CEMIP: variants seen among roughly 807,000 people sequenced by gnomAD.
CEMIP encodes the protein cell migration inducing hyaluronidase 1.
Under a neutral mutation model 156.9 loss-of-function variants are expected in CEMIP, and 105 were observed. That is an observed-to-expected ratio of 0.67 (90% CI 0.57 to 0.79). CEMIP has a LOEUF of 0.79. Ranked by LOEUF, CEMIP falls within the 30% of genes least tolerant of loss-of-function variation. CEMIP has a pLI of 0.00. For synonymous variants in CEMIP, 676 were observed against 668.4 expected, an observed-to-expected ratio of 1.01 and a Z score of -0.17; for missense variants, 1,457 against 1,769.4, an observed-to-expected ratio of 0.82 and a Z score of 3.17.
At chr15:80,926,540 CAG>C (rs1347328873) in intron 19 of CEMIP, among the ~76,000 whole-genome samples, 1 of 151,904 alleles carries the variant, frequency 6.6e-6, no homozygotes, top group Non-Finnish European at 1.5e-5. Flanking sequence ...AGGAGAAAAG[CAG>C]AGACACAGCA....
intron 14 of CEMIP, among the ~76,000 whole-genome samples, chr15:80,913,795 T>C (rs1176213566): frequency 6.6e-6 from 1 of 152,240 alleles, no homozygotes; most frequent in East Asian, 1.9e-4. Context: ...TAAATGACCT[T>C]GGCAAACACA....
At position 80,937,849 on chromosome 15, in the gene CEMIP, C is replaced by G. The variant is rs1338902757; in HGVS notation, c.3277C>G (p.Leu1093Val). The change falls in exon 25 of 30, where the codon CTC (leucine) becomes GTC (valine). Residue 1093 changes from leucine (L) to valine (V), a missense_variant. Transcript: ENST00000394685. ...CCCGCGAGGCACCACATTCTCCATC[C>G]TCTCGGATGTTCACAATCGCCTGCT... Reference protein sequence around the residue: ...CYPRGTTFSILSDVHNRLLKQ... With the variant: ...CYPRGTTFSIVSDVHNRLLKQ... 2 of 1,614,272 alleles carry G rather than the reference C, an allele frequency of 1.2e-6. No homozygotes were observed. Among genetic ancestry groups the G allele is most frequent in the Non-Finnish European group, 1.7e-6 (2 of 1,180,044 alleles).
intron 14 of CEMIP, among the ~76,000 whole-genome samples, chr15:80,919,734 G>C (rs1333741033): frequency 1.3e-5 from 2 of 151,754 alleles, no homozygotes; most frequent in East Asian, 1.9e-4. Context: ...AGAATCACTT[G>C]AACCCTGGAG....
chr15:80,934,792 T>C (rs1244826117), intron 23 of CEMIP, among the ~76,000 whole-genome samples: 3 of 152,092 alleles, frequency 2.0e-5, no homozygotes, highest in African/African-American at 7.2e-5. Flanking sequence ...GGCTAGCATT[T>C]AGCAGGAAGA....
intron 1 of CEMIP, among the ~76,000 whole-genome samples, chr15:80,834,124 A>C (rs1897218245): frequency 6.6e-6 from 1 of 152,218 alleles, no homozygotes; most frequent in Non-Finnish European, 1.5e-5. Flanking sequence ...GTCTCCAGAC[A>C]TGGCAATATG....
chr15:80,842,410 C>T (rs1897445752), intron 1 of CEMIP, among the ~76,000 whole-genome samples: 1 of 152,068 alleles, frequency 6.6e-6, no homozygotes, highest in East Asian at 1.9e-4. Flanking sequence ...GGGAGGCAGA[C>T]AGATGATTGC....
At chr15:80,812,518 G>GTACC (rs1896695096) in intron 1 of CEMIP, among the ~76,000 whole-genome samples, 1 of 152,168 alleles carries the variant, frequency 6.6e-6, no homozygotes, top group South Asian at 2.1e-4. Context: ...GGGCCCAATA[G>GTACC]TACCTGCTTG....
At chr15:80,910,104 C>A (rs1439314694) in intron 14 of CEMIP, among the ~76,000 whole-genome samples, 1 of 152,196 alleles carries the variant, frequency 6.6e-6, no homozygotes, top group Non-Finnish European at 1.5e-5. Context: ...AATCCAGCTA[C>A]ACGATGTGTT....
In CEMIP at chr15:80,947,045, A is replaced by T. The variant is rs755979638; in HGVS notation, c.3938A>T (p.Asp1313Val). Residue 1313 changes from aspartate to valine, a missense_variant, in exon 29 of 30, where the codon GAC (aspartate) becomes GTC (valine). By Grantham distance (152) the Asp-to-Val change is radical (BLOSUM62 -3). Around this residue, in one of 5 missense-constraint regions of CEMIP, gnomAD observed 798 missense variants for 980.1 expected, o/e 0.81. Coordinates refer to ENST00000394685, the MANE Select transcript of CEMIP (RefSeq NM_001293298.2). Reference sequence around the variant, plus strand: ...AGAGTGCTGGAAAAGCTTGGGGCAGACAGGGGTCTCAAGTTGAAAGGTAAG... The same window carrying T: ...AGAGTGCTGGAAAAGCTTGGGGCAGTCAGGGGTCTCAAGTTGAAAGGTAAG... ...WTRVLEKLGA[D>V]RGLKLKEQMA... 16 of 1,613,470 alleles carry T rather than the reference A, an allele frequency of 9.9e-6. No homozygotes were observed. Among genetic ancestry groups the T allele is most frequent in the African/African-American group, 2.7e-5 (2 of 74,936 alleles).
In CEMIP at chr15:80,894,972, T is replaced by C. The variant is rs927006750; in HGVS notation, c.1087-18T>C. The C allele has an allele frequency of 6.2e-7, 1 of 1,613,802 alleles. No homozygotes were observed. Among genetic ancestry groups the C allele is most frequent in the Non-Finnish European group, 8.5e-7 (1 of 1,179,816 alleles). On this transcript the variant is annotated intron_variant, in intron 10 of 29. Coordinates refer to ENST00000394685, the MANE Select transcript of CEMIP (RefSeq NM_001293298.2). The stretch of plus-strand genomic sequence containing the variant: ...AAAAAAAAACGACTTTGCTCTGTAA[T>C]TTCTGTGTCATTCCCAGGCCACTAC...
In CEMIP at chr15:80,920,274, A is replaced by C; in HGVS notation, c.1978A>C (p.Ile660Leu). 6.2e-7 allele frequency: 1 copy of C among 1,614,150 alleles called. No individual in the cohort carries two copies. The highest frequency in any genetic ancestry group is 8.5e-7 in the Non-Finnish European group (1 of 1,179,994). ...CACAGAGGACTCCTACCCGGGGTAC[A>C]TCCCCAAGCCCAGGCAAGACTGCAA... is the stretch of plus-strand genomic sequence containing the variant. ...MITEDSYPGY[I>L]PKPRQDCNAV... Residue 660 changes from isoleucine (I) to leucine (L), a missense_variant, in exon 15 of 30, where the codon ATC becomes CTC. By Grantham distance (5) the Ile-to-Leu change is conservative (BLOSUM62 2). This residue lies in a region of CEMIP where 798 missense variants were observed against 980.1 expected (regional missense o/e 0.81). Coordinates refer to ENST00000394685, the MANE Select transcript of CEMIP (RefSeq NM_001293298.2).
intron 1 of CEMIP, among the ~76,000 whole-genome samples, chr15:80,833,005 CAGAG>C (rs138116851): frequency 6.6e-6 from 1 of 151,424 alleles, no homozygotes; most frequent in South Asian, 2.1e-4. Flanking sequence ...TGAAAGTCCA[CAGAG>C]AGAGAGAGAG....
At chr15:80,848,686 C>T (rs959744506) in intron 1 of CEMIP, among the ~76,000 whole-genome samples, 7 of 152,094 alleles carry the variant, frequency 4.6e-5, no homozygotes, top group Non-Finnish European at 7.4e-5. Flanking sequence ...GAAGGGGTTC[C>T]CAGGCGGAAA....
chr15:80,909,811 T>C (rs1399680447), intron 14 of CEMIP: 1 of 355,074 alleles, frequency 2.8e-6, no homozygotes, highest in African/African-American at 2.1e-5. Flanking sequence ...CTTGTCTTGA[T>C]TTCCACAGAT....
intron 7 of CEMIP, among the ~76,000 whole-genome samples, chr15:80,887,137 AC>A (rs1424604894): frequency 1.3e-5 from 2 of 152,202 alleles, no homozygotes; most frequent in African/African-American, 4.8e-5. Context: ...TGATGGATGT[AC>A]AATTTTTCAA....
At chr15:80,938,226 G>GAA in intron 25 of CEMIP, 62 of 396,896 alleles carry the variant, frequency 1.6e-4, no homozygotes, top group Admixed American at 2.4e-4. Context: ...ACATATTTCA[G>GAA]AAAAAAAAAA....
At chr15:80,921,843 C>T (rs1465206184) in intron 16 of CEMIP, among the ~76,000 whole-genome samples, 166 bp from the exon 17 acceptor site, 3 of 152,236 alleles carry the variant, frequency 2.0e-5, no homozygotes, top group African/African-American at 7.2e-5. Context: ...TGTTTTCCCC[C>T]CAGACTGGAC....
intron 1 of CEMIP, among the ~76,000 whole-genome samples, chr15:80,872,353 G>A (rs1898324810): frequency 6.6e-6 from 1 of 152,212 alleles, no homozygotes; most frequent in African/African-American, 2.4e-5. Flanking sequence ...GTGTGCTACA[G>A]AGGGCTTGCA....
Position 80,933,368 on chromosome 15 carries a change from C to T in CEMIP, c.2917C>T (p.Leu973Phe). Residue 973 changes from leucine to phenylalanine, a missense_variant, in exon 23 of 30, where the codon CTC becomes TTC. Coordinates refer to ENST00000394685, the MANE Select transcript of CEMIP (RefSeq NM_001293298.2). ...CGTGTCCGAGTACCCTGGCTCCTAC[C>T]TCACGAAGAATGACAACTGGCTGGT... is the stretch of plus-strand genomic sequence containing the variant. ...GSVSEYPGSYLTKNDNWLVRH... is the reference protein window; with the variant it reads ...GSVSEYPGSYFTKNDNWLVRH... 1 of 1,614,172 alleles carries T rather than the reference C, an allele frequency of 6.2e-7. No individual in the cohort carries two copies. The highest frequency in any genetic ancestry group is 1.1e-5 in the South Asian group (1 of 91,074).
Sources: gnomAD v4.1 joint callset for allele counts (sites outside exome capture counted in the v4.1 genomes callset) on GRCh38, gnomAD v4.1.1 for gene constraint, gnomAD v4.1.1 regional missense constraint, MANE v1.5 for transcripts, NCBI Gene and HGNC (gene_info 2026-07-23, HGNC 2026-07-21) for gene names.